Variants in AGBL1 observed in about 807,000 individuals in gnomAD.
AGBL1 encodes the protein AGBL carboxypeptidase 1, also known as cytosolic carboxypeptidase 4.
A neutral mutation model predicts 118.9 loss-of-function variants in AGBL1; 130 were observed. The observed-to-expected ratio is 1.09, with a 90% CI of 0.95 to 1.26. The LOEUF (loss-of-function observed/expected upper bound fraction) is 1.26. Among genes scored for constraint, AGBL1 ranks in the 50% most tolerant of loss-of-function variants. The pLI, the probability that AGBL1 is intolerant of heterozygous loss-of-function variation, is 0.00. For missense variants in AGBL1, 1,584 were observed against 1,298.1 expected (o/e 1.22, Z -3.38); for synonymous variants, 555 against 478.9 (o/e 1.16, Z -2.08).
Position 86,989,334 on chromosome 15 carries a change from C to G in AGBL1, c.3323+1246C>G, listed in dbSNP as rs569621996. On this transcript the variant is annotated intron_variant, in intron 24 of 24. Transcript: ENST00000441037. ...TGATTTTTAAATCAATGCTTCTAAGCTTTTACTGTAAAGTCTGATGGATTT... is the reference window on the plus strand; with the variant it reads ...TGATTTTTAAATCAATGCTTCTAAGGTTTTACTGTAAAGTCTGATGGATTT... 2.0e-5 allele frequency among the ~76,000 whole-genome samples: 3 copies of G among 152,172 alleles called. No homozygotes were observed. The East Asian group carries it at 5.8e-4, about 29-fold the overall frequency.
intron 5 of AGBL1, among the ~76,000 whole-genome samples, chr15:86,165,077 C>T (rs1045890412): frequency 2.0e-5 from 3 of 152,110 alleles, no homozygotes; most frequent in Non-Finnish European, 2.9e-5. Context: ...TTGTGGAGGT[C>T]GGAGTACCTG....
chr15:87,017,168 C>A (rs2081615272), intron 24 of AGBL1, among the ~76,000 whole-genome samples: 1 of 152,100 alleles, frequency 6.6e-6, no homozygotes, highest in South Asian at 2.1e-4. Flanking sequence ...GGGGTGGCTG[C>A]CATTCTGTGT....
intron 22 of AGBL1, among the ~76,000 whole-genome samples, chr15:86,705,497 T>C (rs2086434234): frequency 6.6e-6 from 1 of 152,180 alleles, no homozygotes; most frequent in Non-Finnish European, 1.5e-5. Flanking sequence ...TGTTCTTGCA[T>C]GGCAAGACCT....
intron 23 of AGBL1, among the ~76,000 whole-genome samples, chr15:86,979,923 A>G (rs1451410244): frequency 6.6e-6 from 1 of 152,152 alleles, no homozygotes; most frequent in Admixed American, 6.5e-5. Context: ...AAATCTACCA[A>G]GTGATTTTTA....
chr15:86,390,660 ATTTTTTTT>A lies in AGBL1; in HGVS notation c.2375-6687_2375-6680del, dbSNP rs756052402. On this transcript the variant is annotated intron_variant, in intron 17 of 22. Coordinates refer to ENST00000614907, the MANE Select transcript of AGBL1 (RefSeq NM_001386094.1). ...AGGCAGAAAAGTTATATACTGTATG[ATTTTTTTT>A]TTTTTTTTTTTTTTTTTTGAGACAG... is the stretch of plus-strand genomic sequence containing the variant. Among the ~76,000 whole-genome samples the A allele has an allele frequency of 2.8e-4, 21 of 75,472 alleles. 1 individual carries two copies. Among genetic ancestry groups the A allele is most frequent in the East Asian group, 2.4e-3 (4 of 1,634 alleles). The allele number at this position is 75,472 out of a possible 152,430, so 49.5% of individuals were successfully genotyped here.
chr15:86,686,518 A>T (rs1596369423), intron 22 of AGBL1, among the ~76,000 whole-genome samples: 1 of 147,860 alleles, frequency 6.8e-6, no homozygotes. Flanking sequence ...GCTCACTGCA[A>T]CCTCTGCCTC....
chr15:86,667,049 C>G (rs2085656700), intron 21 of AGBL1, among the ~76,000 whole-genome samples: 1 of 152,092 alleles, frequency 6.6e-6, no homozygotes, highest in South Asian at 2.1e-4. Context: ...GTTCTCTGCC[C>G]TTTATCTTGA....
At chr15:86,993,101 A>T (rs1405103133) in intron 24 of AGBL1, among the ~76,000 whole-genome samples, 1 of 152,246 alleles carries the variant, frequency 6.6e-6, no homozygotes, top group Non-Finnish European at 1.5e-5. Context: ...ATAATATTTG[A>T]CATAAATAGT....
Position 86,845,133 on chromosome 15 carries a change from C to G in AGBL1, c.3159-61954C>G, listed in dbSNP as rs1000115907. On this transcript the variant is annotated intron_variant, in intron 22 of 22. Coordinates refer to ENST00000614907, the MANE Select transcript of AGBL1 (RefSeq NM_001386094.1). ...TTTATTCATAATAATTTTAGCTATT[C>G]TTGGTAATTTTCATTTCAATGTACA... Among the ~76,000 whole-genome samples, 7 of 151,972 alleles carry G rather than the reference C, an allele frequency of 4.6e-5. No homozygotes were observed. In the East Asian group the frequency reaches 1.3e-3, roughly 29 times the overall value.
intron 19 of AGBL1, among the ~76,000 whole-genome samples, chr15:86,526,450 A>AAG (rs1483699945): frequency 3.3e-5 from 5 of 150,988 alleles, no homozygotes; most frequent in Non-Finnish European, 7.4e-5. Context: ...TAATTGCCCA[A>AAG]AGATATGGAA....
chr15:86,490,495 T>G (rs1157359385), intron 18 of AGBL1, among the ~76,000 whole-genome samples: 1 of 152,098 alleles, frequency 6.6e-6, no homozygotes, highest in Non-Finnish European at 1.5e-5. Context: ...TGTGGGGAAA[T>G]TTTTGCTTTT....
intron 22 of AGBL1, among the ~76,000 whole-genome samples, chr15:86,793,117 A>C (rs1179655871): frequency 6.6e-6 from 1 of 152,176 alleles, no homozygotes; most frequent in African/African-American, 2.4e-5. Context: ...GGTAACAAAA[A>C]TTTTCATGAT....
chr15:86,282,497 A>C (rs1208665335), intron 16 of AGBL1, among the ~76,000 whole-genome samples: 1 of 152,178 alleles, frequency 6.6e-6, no homozygotes, highest in Non-Finnish European at 1.5e-5. Context: ...AATGAACAAA[A>C]CAGGGTTAGA....
In AGBL1 at chr15:86,271,714, A is replaced by G. The variant is rs749213197; in HGVS notation, c.2075+8A>G. 1.2e-5 allele frequency: 20 copies of G among 1,607,546 alleles called. 1 individual carries two copies. In the South Asian group the frequency reaches 1.9e-4, roughly 15 times the overall value. ...TGAAATATGTTATTACAAGTAAGTT[A>G]GAGCGCTGTTAGCTTCCTTTTCTCT... On this transcript the variant is annotated splice_region_variant and intron_variant, in intron 15 of 22. Coordinates refer to ENST00000614907, the MANE Select transcript of AGBL1 (RefSeq NM_001386094.1).
In AGBL1 at chr15:86,913,132, T is replaced by G. The variant is rs1015493231; in HGVS notation, c.*5838T>G. 3.3e-5 allele frequency: 5 copies of G among 152,118 alleles called. No homozygotes were observed. The highest frequency in any genetic ancestry group is 3.3e-4 in the Admixed American group (5 of 15,272). 9.4% of individuals were successfully genotyped at this position (152,118 alleles called of 1,614,324 possible). On this transcript the variant is annotated 3_prime_UTR_variant, in exon 23 of 23. Coordinates refer to ENST00000614907, the MANE Select transcript of AGBL1 (RefSeq NM_001386094.1). ...CAATTGCATATAACTTAAAATCATCTATTACACACACACAATTCAACATAA... is the reference window on the plus strand; with the variant it reads ...CAATTGCATATAACTTAAAATCATCGATTACACACACACAATTCAACATAA...
chr15:86,601,945 T>C (rs62012508), intron 21 of AGBL1, among the ~76,000 whole-genome samples: 4,112 of 152,236 alleles, frequency 0.027, 109 homozygotes, highest in East Asian at 0.13. Context: ...ATATACTCTT[T>C]CCACTAGATT....
chr15:86,924,031 T>C (rs6650533), intron 23 of AGBL1, among the ~76,000 whole-genome samples: 72,460 of 152,166 alleles, frequency 0.48, 18,514 homozygotes, highest in Non-Finnish European at 0.59. Flanking sequence ...TAAATACGTG[T>C]CAATTATTTT....
chr15:86,690,504 C>T lies in AGBL1; in HGVS notation c.3158+16068C>T, dbSNP rs544558907. Among the ~76,000 whole-genome samples the T allele has an allele frequency of 1.1e-4, 17 of 152,250 alleles. No individual in the cohort carries two copies. The East Asian group carries it at 1.7e-3, about 16-fold the overall frequency. ...ATTCACCTTTTTAAACAGGCAAAAA[C>T]GCTGAATTCTTCCCTAAATTCCTTA... is the stretch of plus-strand genomic sequence containing the variant. On this transcript the variant is annotated intron_variant, in intron 22 of 22. Coordinates refer to ENST00000614907, the MANE Select transcript of AGBL1 (RefSeq NM_001386094.1).
At chr15:86,220,161 C>G (rs765451926) in intron 5 of AGBL1, among the ~76,000 whole-genome samples, 1 of 151,962 alleles carries the variant, frequency 6.6e-6, no homozygotes, top group Non-Finnish European at 1.5e-5. Context: ...ACTATCTTGG[C>G]CAGGCTGGCG....
Sources: gnomAD v4.1 joint callset for allele counts (sites outside exome capture counted in the v4.1 genomes callset) on GRCh38, gnomAD v4.1.1 for gene constraint, MANE v1.5 for transcripts, NCBI Gene and HGNC (gene_info 2026-07-23, HGNC 2026-07-21) for gene names.